The following ITPA variants were observed in gnomAD, a reference collection of about 807,000 sequenced individuals.
ITPA encodes inosine triphosphatase, also known as inosine triphosphate pyrophosphatase.
A neutral mutation model predicts 29.6 loss-of-function variants in ITPA; 29 were observed. The observed-to-expected ratio is 0.98, with a 90% CI of 0.73 to 1.34. ITPA has a LOEUF of 1.34. ITPA is among the 40% of genes most tolerant of loss of function. ITPA has a pLI of 0.00. For synonymous variants in ITPA, 103 were observed against 99.3 expected (o/e 1.04, Z -0.22); for missense variants, 241 against 251.5 (o/e 0.96, Z 0.28).
intron 7 of ITPA, 34 bp downstream of exon 7, chr20:3,221,951 G>A: frequency 6.2e-7 from 1 of 1,601,614 alleles, no homozygotes; most frequent in Non-Finnish European, 8.5e-7. Context: ...CTGGGGTGTG[G>A]GGTTGGTACA....
chr20:3,207,680 G>GC (rs2067085272), upstream of ITPA, among the ~76,000 whole-genome samples: 2 of 123,204 alleles, frequency 1.6e-5, no homozygotes, highest in East Asian at 5.1e-4. Context: ...GGCGACAAGA[G>GC]CAAGACTCCA....
At chr20:3,210,233 C>A (rs1374150010) in intron 1 of ITPA, among the ~76,000 whole-genome samples, 2 of 151,632 alleles carry the variant, frequency 1.3e-5, no homozygotes, top group Admixed American at 6.6e-5. Context: ...CTCATGTAAG[C>A]CACCAGATGA....
At position 3,209,566 on chromosome 20, in the gene ITPA, G is replaced by A. The variant is rs1363940133; in HGVS notation, c.15G>A (p.Leu5=). 1 of 1,614,152 alleles carries A rather than the reference G, an allele frequency of 6.2e-7. No individual in the cohort carries two copies. Among genetic ancestry groups the A allele is most frequent in the Admixed American group, 1.7e-5 (1 of 59,996 alleles). The change falls in exon 1 of 8, where the codon TTG becomes TTA. Residue 5 remains leucine (L), a synonymous_variant. Coordinates refer to ENST00000380113, the MANE Select transcript of ITPA (RefSeq NM_033453.4). The surrounding 1 kb of genome is among the most constrained non-coding windows in gnomAD (Gnocchi z 4.6). ...CGGGGATCACCATGGCGGCCTCATT[G>A]GTGGGGAAGAAGATCGTGTTTGTAA... is the stretch of plus-strand genomic sequence containing the variant. The part of the protein sequence containing the change: MAAS[L]VGKKIVFVTG...
At chr20:3,218,139 C>G (rs1295473352) in intron 5 of ITPA, among the ~76,000 whole-genome samples, 2 of 151,224 alleles carry the variant, frequency 1.3e-5, no homozygotes, top group East Asian at 2.0e-4. Flanking sequence ...AGGATGGTCT[C>G]GATCTCCTGA....
Position 3,223,816 on chromosome 20 carries a change from G to T in ITPA, c.*354G>T. On this transcript the variant is annotated 3_prime_UTR_variant, in exon 8 of 8. Transcript: ENST00000380113. ...TTTAAATGCAGTAAATAACATTTCT[G>T]GATGAGACTTGTTTCCAAAATAAAC... is the stretch of plus-strand genomic sequence containing the variant. 1 of 306,408 alleles carries T rather than the reference G, an allele frequency of 3.3e-6. No individual in the cohort carries two copies. The highest frequency in any genetic ancestry group is 4.5e-5 in the Admixed American group (1 of 22,126). 19.0% of individuals were successfully genotyped at this position (306,408 alleles called of 1,614,324 possible).
chr20:3,204,671 G>A, upstream of ITPA: 3 of 1,533,640 alleles, frequency 2.0e-6, no homozygotes, highest in Admixed American at 2.0e-5. Context: ...CCCTGAGGCC[G>A]GGATCTCATA....
At position 3,213,340 on chromosome 20, in the gene ITPA, C is replaced by T. The variant is rs757955055; in HGVS notation, c.146C>T (p.Pro49Leu). 49 of 1,613,944 alleles carry T rather than the reference C, an allele frequency of 3.0e-5. No homozygotes were observed. The highest frequency in any genetic ancestry group is 1.6e-4 in the South Asian group (15 of 91,088). The part of the protein sequence containing the change: ...KIDLPEYQGE[P>L]DEISIQKCQE... ...TAAGTGCCGGAGTACCAGGGGGAGC[C>T]GGATGAGATTTCCATACAGAAATGT... The change falls in exon 3 of 8, where the codon CCG becomes CTG. Residue 49 changes from proline (P) to leucine (L), a missense_variant. Physicochemically the swap from Pro to Leu is moderately conservative, Grantham distance 98. Transcript: ENST00000380113.
chr20:3,223,203 C>A (rs1180434584), intron 7 of ITPA, among the ~76,000 whole-genome samples, 163 bp from the exon 8 acceptor site: 2 of 152,190 alleles, frequency 1.3e-5, no homozygotes, highest in Admixed American at 1.3e-4. Context: ...AAACTTTATC[C>A]GATTTTTAAA....
chr20:3,206,242 G>C (rs1182710670), upstream of ITPA, among the ~76,000 whole-genome samples: 2 of 150,804 alleles, frequency 1.3e-5, no homozygotes, highest in Non-Finnish European at 3.0e-5. Flanking sequence ...TACAAAATTA[G>C]CTTGGCGTGG....
intron 4 of ITPA, 21 bp downstream of exon 4, chr20:3,214,079 C>A (rs377486208): frequency 2.5e-6 from 4 of 1,611,854 alleles, no homozygotes; most frequent in African/African-American, 2.7e-5. Context: ...ACCTCCACCC[C>A]CTTACAGGGC....
intron 1 of ITPA, among the ~76,000 whole-genome samples, chr20:3,212,693 T>C (rs2067200746): frequency 6.6e-6 from 1 of 152,210 alleles, no homozygotes; most frequent in South Asian, 2.1e-4. Context: ...TATAACAACA[T>C]CTGTGATTTT....
intron 5 of ITPA, among the ~76,000 whole-genome samples, chr20:3,216,451 C>A (rs946671442): frequency 2.8e-5 from 4 of 144,074 alleles, no homozygotes; most frequent in African/African-American, 1.1e-4. Flanking sequence ...AGTTACCATG[C>A]CTGGCCTTTT....
At position 3,221,728 on chromosome 20, in the gene ITPA, G is replaced by GT. The variant is rs1332873644; in HGVS notation, c.412-112dup. ...TAGGGGCCTTGCAACTACATTTTGC[G>GT]TAAGTTGGGTCAAATCAAATTCACA... On this transcript the variant is annotated intron_variant, in intron 6 of 7. Coordinates refer to ENST00000380113, the MANE Select transcript of ITPA (RefSeq NM_033453.4). 6 of 969,210 alleles carry GT rather than the reference G, an allele frequency of 6.2e-6. 1 individual carries two copies. Among genetic ancestry groups the GT allele is most frequent in the East Asian group, 4.9e-5 (2 of 40,866 alleles). 60.0% of individuals were successfully genotyped at this position (969,210 alleles called of 1,614,324 possible). A position where few individuals can be genotyped will look rare whatever the true frequency, so the allele number is the denominator to read the frequency against.
chr20:3,218,647 T>C lies in ITPA; in HGVS notation c.411+15T>C. 1.3e-6 allele frequency: 2 copies of C among 1,590,366 alleles called. No homozygotes were observed. The highest frequency in any genetic ancestry group is 1.7e-6 in the Non-Finnish European group (2 of 1,159,450). Reference sequence around the variant, plus strand: ...GCCGGACCTCGGTGCGTACCCACCTTGATGCAGTTCCCGCCGCGCGCCGCC... The same window carrying C: ...GCCGGACCTCGGTGCGTACCCACCTCGATGCAGTTCCCGCCGCGCGCCGCC... On this transcript the variant is annotated intron_variant, in intron 6 of 7. Transcript: ENST00000380113.
intron 5 of ITPA, 122 bp from the exon 6 acceptor site, chr20:3,218,395 C>CAATTGAGACCT: frequency 1.3e-6 from 1 of 750,214 alleles, no homozygotes; most frequent in Non-Finnish European, 2.4e-6. Context: ...CCCGCTACCC[C>CAATTGAGACCT]AATTGAGACC....
chr20:3,224,615 T>G (rs2067538152), downstream of ITPA, among the ~76,000 whole-genome samples: 1 of 152,216 alleles, frequency 6.6e-6, no homozygotes, highest in Non-Finnish European at 1.5e-5. Flanking sequence ...CTGCCCAGCC[T>G]CCTGAGCCTC....
chr20:3,218,770 T>TC (rs1206333034), intron 6 of ITPA, 138 bp downstream of exon 6: 2 of 709,082 alleles, frequency 2.8e-6, no homozygotes, highest in African/African-American at 3.5e-5. Flanking sequence ...GCTGAGAGGC[T>TC]CCCCTGCGCA....
In ITPA at chr20:3,223,299, A is replaced by T. The variant is rs547925594; in HGVS notation, c.489-67A>T. 4.1e-4 allele frequency: 468 copies of T among 1,134,430 alleles called. 6 individuals are homozygous for T. The East Asian group carries it at 9.1e-3, about 22-fold the overall frequency. The allele number at this position is 1,134,430 out of a possible 1,614,324, so 70.3% of individuals were successfully genotyped here. A position where few individuals can be genotyped will look rare whatever the true frequency, so the allele number is the denominator to read the frequency against. On this transcript the variant is annotated intron_variant, in intron 7 of 7. Coordinates refer to ENST00000380113, the MANE Select transcript of ITPA (RefSeq NM_033453.4). ...TTGGTCTCCAGGGATGAGATGAGGT[A>T]GGGTTGGGAGGGGGTGCACTTCCTT...
chr20:3,221,880 T>C lies in ITPA; in HGVS notation c.451T>C (p.Trp151Arg). The C allele has an allele frequency of 6.2e-7, 1 of 1,614,084 alleles. No individual in the cohort carries two copies. Among genetic ancestry groups the C allele is most frequent in the Non-Finnish European group, 8.5e-7 (1 of 1,180,032 alleles). ...VAPRGCQDFG[W>R]DPCFQPDGYE... ...ACCCAGAGGCTGCCAGGACTTTGGC[T>C]GGGACCCCTGCTTTCAGCCTGATGG... Residue 151 changes from tryptophan (W) to arginine (R), a missense_variant, in exon 7 of 8, where the codon TGG becomes CGG. By Grantham distance (101) the Trp-to-Arg change is moderately radical (BLOSUM62 -3). Coordinates refer to ENST00000380113, the MANE Select transcript of ITPA (RefSeq NM_033453.4).
Sources: allele counts gnomAD v4.1 joint callset (sites outside exome capture counted in the v4.1 genomes callset), GRCh38; gene constraint gnomAD v4.1.1; non-coding constraint Gnocchi (gnomAD v3.1); transcripts MANE v1.5; gene names NCBI Gene and HGNC (gene_info 2026-07-23, HGNC 2026-07-21).